The following PLEKHH1 variants were observed in gnomAD, a reference collection of about 807,000 sequenced individuals.
PLEKHH1 encodes pleckstrin homology, MyTH4 and FERM domain containing H1, also known as pleckstrin homology domain-containing family H member 1.
PLEKHH1 carries 104 observed loss-of-function variants against 160.0 expected under a neutral mutation model. That is an observed-to-expected ratio of 0.65 (90% CI 0.55 to 0.76). PLEKHH1 has a LOEUF of 0.76. PLEKHH1 is among the 30% of genes least tolerant of loss of function. The pLI is 0.00. For missense variants in PLEKHH1, 1,427 were observed against 1,724.1 expected, an observed-to-expected ratio of 0.83 and a Z score of 3.05; for synonymous variants, 619 against 678.4, an observed-to-expected ratio of 0.91 and a Z score of 1.36.
rs71129833 is a variant in PLEKHH1 at position 67,535,370 on chromosome 14, C to CTTTT, written c.-35+1997_-35+2000dup. Among the ~76,000 whole-genome samples, 261 of 74,230 alleles carry CTTTT rather than the reference C, an allele frequency of 3.5e-3. 45 individuals carry two copies. Among genetic ancestry groups the CTTTT allele is most frequent in the African/African-American group, 0.011 (178 of 16,520 alleles). 48.7% of individuals were successfully genotyped at this position (74,230 alleles called of 152,430 possible). A position where few individuals can be genotyped will look rare whatever the true frequency, so the allele number is the denominator to read the frequency against. ...GAGTTAGATCTGGTAGTGAGCACAT[C>CTTTT]TTTTTTTTTTTTTTTTTTTTTTTTT... On this transcript the variant is annotated intron_variant, in intron 1 of 28. Coordinates refer to ENST00000329153, the MANE Select transcript of PLEKHH1 (RefSeq NM_020715.3).
At chr14:67,561,292 A>G (rs944127562) in intron 5 of PLEKHH1, among the ~76,000 whole-genome samples, 4 of 152,224 alleles carry the variant, frequency 2.6e-5, no homozygotes, top group African/African-American at 9.6e-5. Context: ...TCACACCTGT[A>G]GTCCCAGCAG....
chr14:67,539,664 T>C (rs148103735), intron 1 of PLEKHH1, among the ~76,000 whole-genome samples: 8 of 152,300 alleles, frequency 5.3e-5, no homozygotes, highest in Non-Finnish European at 1.0e-4. Flanking sequence ...CTTTGTGAAA[T>C]TGAAATTCTT....
rs566979755 is a variant in PLEKHH1, at chr14:67,536,381, A to G, written c.-35+2983A>G. On this transcript the variant is annotated intron_variant, in intron 1 of 28. Coordinates refer to ENST00000329153, the MANE Select transcript of PLEKHH1 (RefSeq NM_020715.3). Reference sequence around the variant, plus strand: ...TGACAAGTAGTCAGCCACGTCTGGCAGAGCACTTTTAGAAGATGGTGGTAG... The same window carrying G: ...TGACAAGTAGTCAGCCACGTCTGGCGGAGCACTTTTAGAAGATGGTGGTAG... Among the ~76,000 whole-genome samples, 4 of 152,042 alleles carry G rather than the reference A, an allele frequency of 2.6e-5. No individual in the cohort carries two copies. In the South Asian group the frequency reaches 8.3e-4, roughly 31 times the overall value.
intron 10 of PLEKHH1, 75 bp downstream of exon 10, chr14:67,571,977 G>GA: frequency 6.5e-7 from 1 of 1,529,802 alleles, no homozygotes; most frequent in Non-Finnish European, 8.9e-7. Flanking sequence ...ACTTGAACAT[G>GA]GGCGTCCCCA....
Position 67,557,307 on chromosome 14 carries a change from G to A in PLEKHH1, c.228G>A (p.Leu76=), listed in dbSNP as rs1367527810. 1 of 1,613,754 alleles carries A rather than the reference G, an allele frequency of 6.2e-7. No homozygotes were observed. The highest frequency in any genetic ancestry group is 2.2e-5 in the East Asian group (1 of 44,886). ...VMEEKVKLSN[L]KNVDSEGSLH... ...AAGAGAAGGTAAAACTATCCAATCTGAAGAATGTGGACTCTGAGGGGAGCC... is the reference window on the plus strand; with the variant it reads ...AAGAGAAGGTAAAACTATCCAATCTAAAGAATGTGGACTCTGAGGGGAGCC... Residue 76 remains leucine, a synonymous_variant, in exon 4 of 29, where the codon CTG becomes CTA. Transcript: ENST00000329153.
chr14:67,576,608 A>G lies in PLEKHH1; in HGVS notation c.2461+105A>G, dbSNP rs2035633363. 4.9e-6 allele frequency: 3 copies of G among 612,848 alleles called. No homozygotes were observed. In the East Asian group the frequency reaches 8.7e-5, roughly 18 times the overall value. 38.0% of individuals were successfully genotyped at this position (612,848 alleles called of 1,614,324 possible). A position where few individuals can be genotyped will look rare whatever the true frequency, so the allele number is the denominator to read the frequency against. On this transcript the variant is annotated intron_variant, in intron 17 of 28. Transcript: ENST00000329153. The surrounding 1 kb of genome is among the most constrained non-coding windows in gnomAD (Gnocchi z 4.0). ...GTGTTGTACCCTGAAGCTGTTTTTA[A>G]AACATCTAAGCCACAGAGGGGAAGT...
chr14:67,587,371 C>T lies in PLEKHH1; in HGVS notation c.*136C>T, dbSNP rs1422650967. ...TTCTGTGAAATGTGTATTTTAGTCT[C>T]TGTGAAGCCTTTACTCTCTAGGTGC... is the stretch of plus-strand genomic sequence containing the variant. On this transcript the variant is annotated 3_prime_UTR_variant, in exon 29 of 29. Transcript: ENST00000329153. 10 of 1,000,076 alleles carry T rather than the reference C, an allele frequency of 1.0e-5. No homozygotes were observed. In the African/African-American group the frequency reaches 1.1e-4, roughly 11 times the overall value. 62.0% of individuals were successfully genotyped at this position (1,000,076 alleles called of 1,614,324 possible).
chr14:67,567,525 T>C (rs10139749), intron 7 of PLEKHH1, among the ~76,000 whole-genome samples: 56,602 of 151,738 alleles, frequency 0.37, 10,998 homozygotes, highest in African/African-American at 0.5. Context: ...TTACTTGGGC[T>C]CGATGTATCT....
intron 2 of PLEKHH1, among the ~76,000 whole-genome samples, chr14:67,552,857 G>A (rs147507643): frequency 3.9e-5 from 6 of 152,116 alleles, no homozygotes; most frequent in Non-Finnish European, 8.8e-5. Context: ...CCAGGGCTGG[G>A]AGGATACCCC....
In PLEKHH1 at chr14:67,579,831, T is replaced by C. The variant is rs2035805848; in HGVS notation, c.3138T>C (p.Asp1046=). 6.2e-7 allele frequency: 1 copy of C among 1,608,296 alleles called. No individual in the cohort carries two copies. The highest frequency in any genetic ancestry group is 8.5e-7 in the Non-Finnish European group (1 of 1,177,514). Residue 1046 remains aspartate, a synonymous_variant, in exon 22 of 29, where the codon GAT becomes GAC. Coordinates refer to ENST00000329153, the MANE Select transcript of PLEKHH1 (RefSeq NM_020715.3). ...SHSGFALFTD[D]PSGRDLEHCL... ...CTGGCTTTGCCCTCTTCACGGACGA[T>C]CCCTCGGGCAGGGACCTGGAGCACT...
At position 67,571,768 on chromosome 14, in the gene PLEKHH1, G is replaced by A. The variant is rs2035386671; in HGVS notation, c.1451G>A (p.Ser484Asn). ...GTCTTGCAGAGAGCTACACAGATCA[G>A]CAACATGCCCTTTATGGACGAGTCC... Reference protein sequence around the residue: ...TALKGRATQISNMPFMDESSG... With the variant: ...TALKGRATQINNMPFMDESSG... Residue 484 changes from serine (S) to asparagine (N), a missense_variant, in exon 10 of 29, where the codon AGC (serine) becomes AAC (asparagine). This residue lies in a region of PLEKHH1 where 831 missense variants were observed against 929.2 expected (regional missense o/e 0.89). Coordinates refer to ENST00000329153, the MANE Select transcript of PLEKHH1 (RefSeq NM_020715.3). The A allele has an allele frequency of 6.2e-7, 1 of 1,613,876 alleles. No homozygotes were observed. The highest frequency in any genetic ancestry group is 1.3e-5 in the African/African-American group (1 of 74,924).
intron 28 of PLEKHH1, chr14:67,586,733 C>G: frequency 3.5e-6 from 4 of 1,138,502 alleles, no homozygotes; most frequent in Non-Finnish European, 4.5e-6. Flanking sequence ...CAAACCTACT[C>G]CTCCTTTAAT....
chr14:67,559,176 G>A (rs1415035761), intron 4 of PLEKHH1, among the ~76,000 whole-genome samples: 1 of 151,518 alleles, frequency 6.6e-6, no homozygotes, highest in Non-Finnish European at 1.5e-5. Context: ...AAATACCTCA[G>A]TTATCTGCAA....
Position 67,574,971 on chromosome 14 carries a change from A to G in PLEKHH1, c.2089-421A>G, listed in dbSNP as rs549576975. On this transcript the variant is annotated intron_variant, in intron 14 of 28. Transcript: ENST00000329153. The surrounding 1 kb of genome is among the most constrained non-coding windows in gnomAD (Gnocchi z 4.2). ...CGCTGTGTGGCTCTGCTTCTCGTTC[A>G]ATCTGTTTATGTCATTCTCCTTCGC... is the stretch of plus-strand genomic sequence containing the variant. 2.6e-5 allele frequency among the ~76,000 whole-genome samples: 4 copies of G among 152,286 alleles called. No individual in the cohort carries two copies. Among genetic ancestry groups the G allele is most frequent in the African/African-American group, 9.6e-5 (4 of 41,550 alleles).
intron 2 of PLEKHH1, among the ~76,000 whole-genome samples, chr14:67,550,056 A>G (rs1483855686): frequency 6.6e-6 from 1 of 152,156 alleles, no homozygotes; most frequent in Non-Finnish European, 1.5e-5. Context: ...AGTGGAGCCC[A>G]CAGACAAGAC....
Position 67,541,853 on chromosome 14 carries a change from G to T in PLEKHH1, c.-15G>T. On this transcript the variant is annotated 5_prime_UTR_variant, in exon 2 of 29. Coordinates refer to ENST00000329153, the MANE Select transcript of PLEKHH1 (RefSeq NM_020715.3). Reference sequence around the variant, plus strand: ...TCTTAGGGCTCCCCAGAATAATCCAGAAGTCGATTCCATCATGGCAGAACT... The same window carrying T: ...TCTTAGGGCTCCCCAGAATAATCCATAAGTCGATTCCATCATGGCAGAACT... 1 of 1,584,792 alleles carries T rather than the reference G, an allele frequency of 6.3e-7. No individual in the cohort carries two copies.
At position 67,583,794 on chromosome 14, in the gene PLEKHH1, C is replaced by G; in HGVS notation, c.3480C>G (p.Ser1160=). Residue 1160 remains serine, a synonymous_variant, in exon 25 of 29, where the codon TCC becomes TCG. Coordinates refer to ENST00000329153, the MANE Select transcript of PLEKHH1 (RefSeq NM_020715.3). ...CCCTGCCAGGCCCTGGAGGCACATC[C>G]CCTGCCAAGGCTCAGCATCTTCTCC... The part of the protein sequence containing the change: ...KPALPGPGGT[S]PAKAQHLLQQ... 2 of 1,612,686 alleles carry G rather than the reference C, an allele frequency of 1.2e-6. No individual in the cohort carries two copies. The highest frequency in any genetic ancestry group is 1.7e-6 in the Non-Finnish European group (2 of 1,179,260).
chr14:67,558,323 G>T (rs990122186), intron 4 of PLEKHH1, among the ~76,000 whole-genome samples: 1 of 152,096 alleles, frequency 6.6e-6, no homozygotes, highest in Non-Finnish European at 1.5e-5. Flanking sequence ...GCCGATCCTG[G>T]TGGTGCCTTC....
Position 67,583,744 on chromosome 14 carries a change from G to A in PLEKHH1, c.3430G>A (p.Glu1144Lys). The change falls in exon 25 of 29, where the codon GAA (glutamate) becomes AAA (lysine). Residue 1144 changes from glutamate to lysine, a missense_variant. This residue lies in a region of PLEKHH1 where 436 missense variants were observed against 607.5 expected (regional missense o/e 0.72). Transcript: ENST00000329153. Reference protein sequence around the residue: ...LEMAALMAQVEYGDLEKPALP... With the variant: ...LEMAALMAQVKYGDLEKPALP... ...TCTTCATATGCTTCTACCACAGGTA[G>A]AATATGGGGACTTGGAGAAGCCTGC... is the stretch of plus-strand genomic sequence containing the variant. 3.1e-6 allele frequency: 5 copies of A among 1,610,636 alleles called. No individual in the cohort carries two copies. The highest frequency in any genetic ancestry group is 4.2e-6 in the Non-Finnish European group (5 of 1,178,380).
Sources: allele counts gnomAD v4.1 joint callset (sites outside exome capture counted in the v4.1 genomes callset), GRCh38; gene constraint gnomAD v4.1.1; regional missense constraint gnomAD v4.1.1; non-coding constraint Gnocchi (gnomAD v3.1); transcripts MANE v1.5; gene names NCBI Gene and HGNC (gene_info 2026-07-23, HGNC 2026-07-21).